The following TRMT10A variants were observed in gnomAD, a reference collection of about 807,000 sequenced individuals.
The protein encoded by TRMT10A is tRNA methyltransferase 10A, also known as tRNA methyltransferase 10 homolog A.
In TRMT10A, 37 loss-of-function variants were observed where a neutral mutation model predicts 40.4. That is an observed-to-expected ratio of 0.92 (90% CI 0.71 to 1.21). TRMT10A has a LOEUF of 1.21. Among genes scored for constraint, TRMT10A ranks in the 50% most tolerant of loss-of-function variants. TRMT10A has a pLI of 0.00. For missense variants in TRMT10A, 388 were observed against 404.3 expected (o/e 0.96, Z 0.35); for synonymous variants, 103 against 134.1 (o/e 0.77, Z 1.60).
At chr4:99,549,416 G>A in intron 7 of TRMT10A, 60 bp from the exon 8 acceptor site, 1 of 1,576,368 alleles carries the variant, frequency 6.3e-7, no homozygotes, top group Non-Finnish European at 8.6e-7. Context: ...GCTGCACAAT[G>A]TCTTTTAAAA....
At chr4:99,550,706 G>A (rs555688370) in intron 7 of TRMT10A, among the ~76,000 whole-genome samples, 179 bp downstream of exon 7, 54 of 151,990 alleles carry the variant, frequency 3.6e-4, no homozygotes, top group African/African-American at 1.2e-3. Context: ...TAATACTTTC[G>A]TACATTTTCA....
intron 6 of TRMT10A, among the ~76,000 whole-genome samples, chr4:99,552,161 A>AT (rs1166777365): frequency 2.0e-5 from 3 of 152,278 alleles, no homozygotes; most frequent in Admixed American, 1.3e-4. Context: ...TTAGTATAGC[A>AT]TAAGTGTACA....
chr4:99,548,945 TA>T lies in TRMT10A; in HGVS notation c.*142del. On this transcript the variant is annotated 3_prime_UTR_variant, in exon 8 of 8. Coordinates refer to ENST00000394876, the MANE Select transcript of TRMT10A (RefSeq NM_001134665.3). ...ACAAAGTTTAAAGGGCTTTTTTTTT[TA>T]TTATTATTTAGGTCCAAAAAAAAGT... 1 of 734,198 alleles carries T rather than the reference TA, an allele frequency of 1.4e-6. No homozygotes were observed. Among genetic ancestry groups the T allele is most frequent in the Non-Finnish European group, 2.0e-6 (1 of 502,054 alleles). 45.5% of individuals were successfully genotyped at this position (734,198 alleles called of 1,614,324 possible).
At position 99,563,922 on chromosome 4, in the gene TRMT10A, G is replaced by C. The variant is rs1393949256; in HGVS notation, c.-33C>G. On this transcript the variant is annotated 5_prime_UTR_variant, in exon 1 of 8. Transcript: ENST00000394876. ...GTGCCAGGACACTTACCGAGCTGAA[G>C]AGTTGACAGGGAAGTGAAATCTCAG... 1 of 790,400 alleles carries C rather than the reference G, an allele frequency of 1.3e-6. No homozygotes were observed. The highest frequency in any genetic ancestry group is 1.5e-5 in the South Asian group (1 of 68,358). The allele number at this position is 790,400 out of a possible 1,614,324, so 49.0% of individuals were successfully genotyped here. A position where few individuals can be genotyped will look rare whatever the true frequency, so the allele number is the denominator to read the frequency against.
At chr4:99,556,396 T>C (rs994065251) in intron 4 of TRMT10A, among the ~76,000 whole-genome samples, 176 bp from the exon 5 acceptor site, 4 of 152,172 alleles carry the variant, frequency 2.6e-5, no homozygotes, top group Non-Finnish European at 4.4e-5. Flanking sequence ...GTGGTAGAAA[T>C]AGTACGTTTT....
intron 5 of TRMT10A, 61 bp downstream of exon 5, chr4:99,556,085 G>A (rs1385349413): frequency 1.3e-6 from 2 of 1,481,722 alleles, no homozygotes; most frequent in Non-Finnish European, 1.9e-6. Context: ...GGTACAAAAT[G>A]TAGACCTTTA....
intron 4 of TRMT10A, 102 bp downstream of exon 4, chr4:99,557,243 T>C (rs1419915413): frequency 6.0e-6 from 7 of 1,166,146 alleles, no homozygotes; most frequent in Non-Finnish European, 7.1e-6. Context: ...TTAAACAAGA[T>C]TACCTGTAAG....
At chr4:99,563,188 T>C (rs962462039) in intron 1 of TRMT10A, among the ~76,000 whole-genome samples, 1 of 152,184 alleles carries the variant, frequency 6.6e-6, no homozygotes, top group Non-Finnish European at 1.5e-5. Context: ...TTCACTTCAG[T>C]TGTCAAGCCT....
chr4:99,562,483 T>TTAA (rs1724458574), intron 1 of TRMT10A, among the ~76,000 whole-genome samples: 1 of 149,978 alleles, frequency 6.7e-6, no homozygotes, highest in African/African-American at 2.4e-5. Context: ...CAGATTGGAA[T>TTAA]TAATGACTTG....
At chr4:99,560,951 A>AT (rs5860581) in intron 1 of TRMT10A, among the ~76,000 whole-genome samples, 173 of 139,718 alleles carry the variant, frequency 1.2e-3, no homozygotes, top group Middle Eastern at 3.7e-3. Flanking sequence ...CTATGTGAAG[A>AT]TTTTTTTTTT....
At chr4:99,551,120 G>T in intron 6 of TRMT10A, 130 bp from the exon 7 acceptor site, 2 of 628,436 alleles carry the variant, frequency 3.2e-6, no homozygotes, top group Non-Finnish European at 5.2e-6. Flanking sequence ...ATCTGAATGG[G>T]GGGTATGTGT....
intron 1 of TRMT10A, among the ~76,000 whole-genome samples, chr4:99,561,864 G>GT (rs2110195929): frequency 6.6e-6 from 1 of 152,172 alleles, no homozygotes; most frequent in South Asian, 2.1e-4. Context: ...GTTCAAGAAC[G>GT]TATTTTACAG....
intron 1 of TRMT10A, among the ~76,000 whole-genome samples, chr4:99,562,023 T>C (rs1724417481): frequency 6.6e-6 from 1 of 151,738 alleles, no homozygotes; most frequent in South Asian, 2.1e-4. Context: ...ATACAAAAAT[T>C]AGCCAGGCGT....
Position 99,547,804 on chromosome 4 carries a change from T to G in TRMT10A, c.*1284A>C, listed in dbSNP as rs1466374396. 1 of 152,030 alleles carries G rather than the reference T, an allele frequency of 6.6e-6. No individual in the cohort carries two copies. Among genetic ancestry groups the G allele is most frequent in the Admixed American group, 6.6e-5 (1 of 15,260 alleles). 9.4% of individuals were successfully genotyped at this position (152,030 alleles called of 1,614,324 possible). On this transcript the variant is annotated 3_prime_UTR_variant, in exon 8 of 8. Transcript: ENST00000394876. ...GTAACATATATAGTATGTTATATACTTTTTAAATATAACTTTTATATATTA... is the reference window on the plus strand; with the variant it reads ...GTAACATATATAGTATGTTATATACGTTTTAAATATAACTTTTATATATTA...
chr4:99,562,034 G>C (rs1724418416), intron 1 of TRMT10A, among the ~76,000 whole-genome samples: 1 of 151,936 alleles, frequency 6.6e-6, no homozygotes, highest in South Asian at 2.1e-4. Context: ...AGCCAGGCGT[G>C]GTAGTGGACG....
At chr4:99,552,285 G>A (rs1344527723) in intron 6 of TRMT10A, among the ~76,000 whole-genome samples, 5 of 152,094 alleles carry the variant, frequency 3.3e-5, no homozygotes, top group African/African-American at 1.2e-4. Context: ...ACCACTCATG[G>A]TAAGTGCCCT....
chr4:99,554,027 T>A (rs767892125), intron 5 of TRMT10A, 93 bp from the exon 6 acceptor site: 41 of 1,294,442 alleles, frequency 3.2e-5, no homozygotes, highest in Non-Finnish European at 4.4e-5. Flanking sequence ...ACAAATCCAT[T>A]CAAAAATATA....
rs1422565922 is a variant in TRMT10A at position 99,556,950 on chromosome 4, CA to C, written c.420+394del. Among the ~76,000 whole-genome samples, 4 of 152,256 alleles carry C rather than the reference CA, an allele frequency of 2.6e-5. No individual in the cohort carries two copies. The East Asian group carries it at 5.8e-4, about 22-fold the overall frequency. ...AGAAAACTAAAAACCTTTAAGTAGACAAAATCTATACAACAGATACCACGAC... is the reference window on the plus strand; with the variant it reads ...AGAAAACTAAAAACCTTTAAGTAGACAAATCTATACAACAGATACCACGAC... On this transcript the variant is annotated intron_variant, in intron 4 of 7. Transcript: ENST00000394876.
Position 99,550,948 on chromosome 4 carries a change from C to T in TRMT10A, c.688G>A (p.Ala230Thr), listed in dbSNP as rs1723939044. ...KQASDYGINH[A>T]QLPLGNFVKM... The stretch of plus-strand genomic sequence containing the variant: ...ACAAAATTTCCAAGTGGGAGCTGTG[C>T]ATGATTGATTCCATAATCTGACGCT... Residue 230 changes from alanine (A) to threonine (T), a missense_variant, in exon 7 of 8, where the codon GCA becomes ACA. Physicochemically the swap from Ala to Thr is moderately conservative, Grantham distance 58. Transcript: ENST00000394876. 1.9e-6 allele frequency: 3 copies of T among 1,612,858 alleles called. No homozygotes were observed. The highest frequency in any genetic ancestry group is 1.3e-5 in the African/African-American group (1 of 74,966).
Sources: gnomAD v4.1 joint callset for allele counts (sites outside exome capture counted in the v4.1 genomes callset) on GRCh38, gnomAD v4.1.1 for gene constraint, MANE v1.5 for transcripts, NCBI Gene and HGNC (gene_info 2026-07-23, HGNC 2026-07-21) for gene names.